MMP17: variants seen among roughly 807,000 people sequenced by gnomAD.
MMP17 encodes matrix metalloproteinase-17.
A neutral mutation model predicts 49.1 loss-of-function variants in MMP17; 54 were observed. That is an observed-to-expected ratio of 1.10 (90% confidence interval 0.88 to 1.38). The LOEUF is 1.38. Among genes scored for constraint, MMP17 ranks in the 40% most tolerant of loss-of-function variants. MMP17 has a pLI of 0.00. For missense variants in MMP17, 837 were observed against 853.7 expected, an observed-to-expected ratio of 0.98 and a Z score of 0.24; for synonymous variants, 397 against 383.1, an observed-to-expected ratio of 1.04 and a Z score of -0.42.
At chr12:131,838,005 C>T (rs967610656) in intron 1 of MMP17, 190 bp from the exon 2 acceptor site, 10 of 641,954 alleles carry the variant, frequency 1.6e-5, no homozygotes, top group East Asian at 9.0e-5. Context: ...CCACAGCACC[C>T]GGCCAGGGAC....
intron 1 of MMP17, among the ~76,000 whole-genome samples, chr12:131,833,187 TC>T (rs1412403418): frequency 6.6e-6 from 1 of 152,204 alleles, no homozygotes; most frequent in Non-Finnish European, 1.5e-5. Context: ...CCAGGCACCC[TC>T]CAGCAGGGAC....
chr12:131,834,996 A>G (rs58253860), intron 1 of MMP17, among the ~76,000 whole-genome samples: 4,636 of 152,232 alleles, frequency 0.03, 103 homozygotes, highest in Middle Eastern at 0.075. Context: ...GCAGGTGGCC[A>G]CTTCTACCTG....
chr12:131,841,269 T>A (rs1593230854), intron 4 of MMP17, among the ~76,000 whole-genome samples: 1 of 152,216 alleles, frequency 6.6e-6, no homozygotes, highest in East Asian at 1.9e-4. Context: ...AGGCCCGTCT[T>A]GTGGGGCCAG....
In MMP17 at chr12:131,841,582, G is replaced by A. The variant is rs535547522; in HGVS notation, c.707-42G>A. The A allele has an allele frequency of 3.1e-6, 5 of 1,608,926 alleles. No homozygotes were observed. The African/African-American group carries it at 5.3e-5, about 17-fold the overall frequency. ...GCTGGTCCCTCCCCGCGGGGACAGG[G>A]CCCTTCTTGCCCTTAGTTCACATGG... On this transcript the variant is annotated intron_variant, in intron 4 of 9. Coordinates refer to ENST00000360564, the MANE Select transcript of MMP17 (RefSeq NM_016155.7).
intron 1 of MMP17, among the ~76,000 whole-genome samples, chr12:131,830,959 C>T (rs1008367137): frequency 1.3e-5 from 2 of 152,202 alleles, no homozygotes; most frequent in African/African-American, 2.4e-5. Context: ...AGCGAGCAGC[C>T]CAGGGTCTCC....
Position 131,828,534 on chromosome 12 carries a change from C to T in MMP17, c.40C>T (p.Pro14Ser). Residue 14 changes from proline to serine, a missense_variant, in exon 1 of 10, where the codon CCA becomes TCA. Physicochemically the swap from Pro to Ser is moderately conservative, Grantham distance 74 (BLOSUM62 -1). Coordinates refer to ENST00000360564, the MANE Select transcript of MMP17 (RefSeq NM_016155.7). ...RAARGPGPPP[P>S]GPGLSRLPLP... ...AGCCCGGGGACCCGGCCCGCCGCCC[C>T]CAGGGCCCGGACTCTCGCGGCTGCC... The T allele has an allele frequency of 1.0e-6, 1 of 996,186 alleles. No homozygotes were observed. The highest frequency in any genetic ancestry group is 1.2e-6 in the Non-Finnish European group (1 of 841,014). The allele number at this position is 996,186 out of a possible 1,614,324, so 61.7% of individuals were successfully genotyped here.
At chr12:131,836,584 G>C (rs1489711340) in intron 1 of MMP17, among the ~76,000 whole-genome samples, 1 of 150,608 alleles carries the variant, frequency 6.6e-6, no homozygotes, top group African/African-American at 2.4e-5. Context: ...ATCAGAAATG[G>C]TCAAAAATGG....
intron 3 of MMP17, chr12:131,840,281 C>A: frequency 2.7e-6 from 1 of 372,110 alleles, no homozygotes; most frequent in Non-Finnish European, 4.9e-6. Flanking sequence ...AGACGGGACG[C>A]ACCGTTGAGG....
intron 5 of MMP17, among the ~76,000 whole-genome samples, chr12:131,842,275 G>C (rs1446401617): frequency 2.0e-5 from 3 of 152,110 alleles, no homozygotes; most frequent in African/African-American, 7.2e-5. Flanking sequence ...CTGGTGCCCC[G>C]GGGAGACAGC....
intron 9 of MMP17, among the ~76,000 whole-genome samples, chr12:131,850,626 G>A (rs978173336): frequency 1.3e-4 from 20 of 152,254 alleles, no homozygotes; most frequent in African/African-American, 4.6e-4. Context: ...GCCCCAGCAG[G>A]CTCCTCTGGA....
chr12:131,828,512 C>G lies in MMP17; in HGVS notation c.18C>G (p.Ala6=), dbSNP rs999705130. The G allele has an allele frequency of 1.0e-6, 1 of 994,280 alleles. No individual in the cohort carries two copies. Among genetic ancestry groups the G allele is most frequent in the African/African-American group, 1.8e-5 (1 of 56,896 alleles). The allele number at this position is 994,280 out of a possible 1,614,324, so 61.6% of individuals were successfully genotyped here. ...TGAGCGCCATGCGGCGCCGCGCAGC[C>G]CGGGGACCCGGCCCGCCGCCCCCAG... MRRRA[A]RGPGPPPPGP... is the part of the protein sequence containing the mutation. Residue 6 remains alanine, a synonymous_variant, in exon 1 of 10, where the codon GCC becomes GCG. Transcript: ENST00000360564.
chr12:131,831,573 A>C (rs1352975981), intron 1 of MMP17, among the ~76,000 whole-genome samples: 1 of 151,784 alleles, frequency 6.6e-6, no homozygotes, highest in Non-Finnish European at 1.5e-5. Context: ...CAAGACAGGC[A>C]GGAGGGTTAG....
intron 1 of MMP17, among the ~76,000 whole-genome samples, chr12:131,837,033 A>G (rs1887117796): frequency 1.3e-5 from 2 of 152,212 alleles, no homozygotes; most frequent in African/African-American, 4.8e-5. Flanking sequence ...ATTTATGCCC[A>G]GGTTAAAGGG....
chr12:131,830,412 C>T (rs896723755), intron 1 of MMP17, among the ~76,000 whole-genome samples: 5 of 152,242 alleles, frequency 3.3e-5, no homozygotes, highest in African/African-American at 1.2e-4. Flanking sequence ...ACGCTGCGGG[C>T]AGCCCCCTGC....
In MMP17 at chr12:131,840,706, C is replaced by G. The variant is rs147565301; in HGVS notation, c.556C>G (p.Gln186Glu). 2.5e-5 allele frequency: 40 copies of G among 1,605,518 alleles called. No homozygotes were observed. The African/African-American group carries it at 5.3e-4, about 21-fold the overall frequency. Residue 186 changes from glutamine to glutamate, a missense_variant, in exon 4 of 10, where the codon CAG becomes GAG. Physicochemically the swap from Gln to Glu is conservative, Grantham distance 29. Transcript: ENST00000360564. ...GGTGGCGGGCAGCGCCGCCGACATC[C>G]AGATCGACTTCTCCAAGGCCGACCA... The part of the protein sequence containing the change: ...HEVAGSAADI[Q>E]IDFSKADHND...
chr12:131,841,996 T>A (rs1887441563), intron 5 of MMP17, among the ~76,000 whole-genome samples, 196 bp downstream of exon 5: 1 of 152,162 alleles, frequency 6.6e-6, no homozygotes, highest in Non-Finnish European at 1.5e-5. Flanking sequence ...AGATCAGAAT[T>A]CCACCTCTGC....
At chr12:131,833,380 C>T (rs1448128441) in intron 1 of MMP17, among the ~76,000 whole-genome samples, 2 of 152,248 alleles carry the variant, frequency 1.3e-5, no homozygotes, top group East Asian at 1.9e-4. Context: ...CTCACGATCC[C>T]GTCTTCCCCT....
At chr12:131,836,193 G>C (rs1004031252) in intron 1 of MMP17, among the ~76,000 whole-genome samples, 1 of 152,132 alleles carries the variant, frequency 6.6e-6, no homozygotes, top group Admixed American at 6.5e-5. Context: ...AGGGGGTAAA[G>C]GCACAGAGGG....
At chr12:131,845,475 C>T (rs932053223) in intron 8 of MMP17, 26 bp downstream of exon 8, 23 of 1,534,682 alleles carry the variant, frequency 1.5e-5, no homozygotes, top group Admixed American at 1.9e-5. Flanking sequence ...CGTCGCACTC[C>T]GGGCTTCCCG....
Sources: gnomAD v4.1 joint callset for allele counts (sites outside exome capture counted in the v4.1 genomes callset) on GRCh38, gnomAD v4.1.1 for gene constraint, MANE v1.5 for transcripts, NCBI Gene and HGNC (gene_info 2026-07-23, HGNC 2026-07-21) for gene names.